DNAJC12: variants seen among roughly 807,000 people sequenced by gnomAD.
DNAJC12 encodes DnaJ heat shock protein family (Hsp40) member C12.
Under a neutral mutation model 28.5 loss-of-function variants are expected in DNAJC12, and 25 were observed. The ratio of observed to expected loss-of-function variants is 0.88; its 90% confidence interval spans 0.64 to 1.22. The LOEUF (loss-of-function observed/expected upper bound fraction) is 1.22. Ranked by LOEUF, DNAJC12 falls within the 50% of genes most tolerant of loss-of-function variation. The probability of loss-of-function intolerance (pLI) is 0.00; values close to 1 mark genes in which losing one functional copy is unlikely to be tolerated. For missense variants in DNAJC12, 222 were observed against 231.7 expected, an observed-to-expected ratio of 0.96 and a Z score of 0.27; for synonymous variants, 77 against 80.6, an observed-to-expected ratio of 0.95 and a Z score of 0.24.
intron 2 of DNAJC12, among the ~76,000 whole-genome samples, chr10:67,820,964 G>A (rs1248154116): frequency 7.3e-5 from 11 of 151,620 alleles, no homozygotes; most frequent in Admixed American, 2.6e-4. Flanking sequence ...TGTATTTTTA[G>A]TAGAGACACA....
At chr10:67,826,930 T>A (rs1478564365) in intron 1 of DNAJC12, among the ~76,000 whole-genome samples, 2 of 131,492 alleles carry the variant, frequency 1.5e-5, no homozygotes, top group Non-Finnish European at 3.2e-5. Context: ...AATATATATA[T>A]CATGATATAT....
At chr10:67,826,409 C>T (rs560774247) in intron 1 of DNAJC12, among the ~76,000 whole-genome samples, 31 of 150,300 alleles carry the variant, frequency 2.1e-4, no homozygotes, top group Admixed American at 9.4e-4. Flanking sequence ...GCTGAGCTTA[C>T]GGGCATGAGT....
chr10:67,797,330 G>A, intron 4 of DNAJC12, 120 bp from the exon 5 acceptor site: 14 of 685,144 alleles, frequency 2.0e-5, no homozygotes, highest in South Asian at 1.0e-4. Flanking sequence ...GTAAGACTTT[G>A]GTATGAATTA....
rs1842036480 is a variant in DNAJC12 at position 67,826,746 on chromosome 10, TATC to T, written c.79-3357_79-3355del. On this transcript the variant is annotated intron_variant, in intron 1 of 4. Coordinates refer to ENST00000225171, the MANE Select transcript of DNAJC12 (RefSeq NM_021800.3). Reference sequence around the variant, plus strand: ...GATATCTAATGATATATATAATATATATCATTATATATCTGATATCTAATGATA... The same window carrying T: ...GATATCTAATGATATATATAATATATATTATATATCTGATATCTAATGATA... Among the ~76,000 whole-genome samples, 2 of 114,780 alleles carry T rather than the reference TATC, an allele frequency of 1.7e-5. 1 individual carries two copies. Among genetic ancestry groups the T allele is most frequent in the Non-Finnish European group, 3.4e-5 (2 of 58,118 alleles). The allele number at this position is 114,780 out of a possible 152,430, so 75.3% of individuals were successfully genotyped here.
At chr10:67,836,134 T>C (rs1402562883) in intron 1 of DNAJC12, among the ~76,000 whole-genome samples, 1 of 150,496 alleles carries the variant, frequency 6.6e-6, no homozygotes, top group African/African-American at 2.5e-5. Flanking sequence ...CACTCATAAG[T>C]GGGAGATGAA....
At position 67,811,603 on chromosome 10, in the gene DNAJC12, G is replaced by C. The variant is rs770664606; in HGVS notation, c.218C>G (p.Ala73Gly). 1 of 1,614,166 alleles carries C rather than the reference G, an allele frequency of 6.2e-7. No individual in the cohort carries two copies. The highest frequency in any genetic ancestry group is 1.1e-5 in the South Asian group (1 of 91,080). ...GCTCCTTCGCCAGTGGTCATAGCGGGCTCGACTCTCTTCATTGGTCAGAAT... is the reference window on the plus strand; with the variant it reads ...GCTCCTTCGCCAGTGGTCATAGCGGCCTCGACTCTCTTCATTGGTCAGAAT... ...KEILTNEESR[A>G]RYDHWRRSQM... The change falls in exon 3 of 5, where the codon GCC becomes GGC. Residue 73 changes from alanine (A) to glycine (G), a missense_variant. Ala to Gly is a moderately conservative substitution (Grantham distance 60). Coordinates refer to ENST00000225171, the MANE Select transcript of DNAJC12 (RefSeq NM_021800.3).
At chr10:67,811,224 G>T in intron 3 of DNAJC12, 1 of 1,019,666 alleles carries the variant, frequency 9.8e-7, no homozygotes. Context: ...AGCAACTTGA[G>T]AAGTACATTT....
chr10:67,799,983 C>A (rs531856987), intron 4 of DNAJC12, among the ~76,000 whole-genome samples: 18 of 151,990 alleles, frequency 1.2e-4, no homozygotes, highest in Non-Finnish European at 2.5e-4. Flanking sequence ...ATAATCCCAG[C>A]ACTTTGGGAG....
intron 1 of DNAJC12, among the ~76,000 whole-genome samples, chr10:67,835,968 T>C (rs1463411101): frequency 2.0e-5 from 3 of 152,144 alleles, no homozygotes; most frequent in Non-Finnish European, 4.4e-5. Context: ...CCTCCTTCTA[T>C]GTAGATTGAA....
At chr10:67,836,598 G>A (rs957121077) in intron 1 of DNAJC12, among the ~76,000 whole-genome samples, 6 of 151,984 alleles carry the variant, frequency 3.9e-5, no homozygotes, top group Non-Finnish European at 8.8e-5. Flanking sequence ...ATTGCTATAA[G>A]CAAATCACCA....
chr10:67,834,551 G>A (rs570902475), intron 1 of DNAJC12, among the ~76,000 whole-genome samples: 4 of 152,326 alleles, frequency 2.6e-5, no homozygotes, highest in South Asian at 2.1e-4. Flanking sequence ...AATAGAGGCC[G>A]GGCGCGGTGG....
intron 2 of DNAJC12, among the ~76,000 whole-genome samples, chr10:67,815,359 T>A (rs1564861620): frequency 6.6e-6 from 1 of 151,784 alleles, no homozygotes; most frequent in Non-Finnish European, 1.5e-5. Flanking sequence ...AAATTCAAAA[T>A]TAGCTGGGCG....
chr10:67,801,461 A>G (rs1036350557), intron 4 of DNAJC12, among the ~76,000 whole-genome samples: 11 of 152,198 alleles, frequency 7.2e-5, no homozygotes, highest in Admixed American at 5.9e-4. Flanking sequence ...AACCTTTGGC[A>G]GAATTTCATA....
intron 4 of DNAJC12, among the ~76,000 whole-genome samples, chr10:67,804,914 C>G (rs1841783292): frequency 6.6e-6 from 1 of 152,118 alleles, no homozygotes. Flanking sequence ...CGCCTGTAGT[C>G]CCAGCTACTG....
At chr10:67,833,485 C>T (rs542300365) in intron 1 of DNAJC12, among the ~76,000 whole-genome samples, 1 of 152,132 alleles carries the variant, frequency 6.6e-6, no homozygotes, top group East Asian at 1.9e-4. Context: ...TCTGTACATG[C>T]GCAACCCTAA....
chr10:67,807,457 G>A (rs142765543), intron 3 of DNAJC12, among the ~76,000 whole-genome samples: 11 of 151,912 alleles, frequency 7.2e-5, no homozygotes, highest in Admixed American at 3.9e-4. Context: ...AAATAAAAAC[G>A]TTAATTTTTA....
intron 1 of DNAJC12, among the ~76,000 whole-genome samples, chr10:67,835,957 T>C (rs907518126): frequency 6.6e-6 from 1 of 152,034 alleles, no homozygotes; most frequent in Non-Finnish European, 1.5e-5. Context: ...CCAAAATGAA[T>C]CCTCCTTCTA....
chr10:67,798,829 G>C (rs970381356), intron 4 of DNAJC12, among the ~76,000 whole-genome samples: 2 of 148,584 alleles, frequency 1.3e-5, no homozygotes, highest in Non-Finnish European at 3.0e-5. Context: ...GCAATGGCGC[G>C]ATCTCAGCTC....
chr10:67,823,821 T>A (rs776982690), intron 1 of DNAJC12, among the ~76,000 whole-genome samples: 1 of 152,174 alleles, frequency 6.6e-6, no homozygotes, highest in Non-Finnish European at 1.5e-5. Flanking sequence ...TTTGACTTTT[T>A]CCTCTAAGAA....
Sources: allele counts gnomAD v4.1 joint callset (sites outside exome capture counted in the v4.1 genomes callset), GRCh38; gene constraint gnomAD v4.1.1; transcripts MANE v1.5; gene names NCBI Gene and HGNC (gene_info 2026-07-23, HGNC 2026-07-21).